Variants in THRB observed in about 807,000 individuals in gnomAD.
THRB encodes the protein thyroid hormone receptor beta.
Under a neutral mutation model 47.8 loss-of-function variants are expected in THRB, and 12 were observed. That is an observed-to-expected ratio of 0.25 (90% confidence interval 0.16 to 0.41). The LOEUF is 0.41. Among genes scored for constraint, THRB ranks in the 10% least tolerant of loss-of-function variants. The pLI is 1.00. For missense variants in THRB, 348 were observed against 589.2 expected (o/e 0.59, Z 4.24); for synonymous variants, 218 against 212.2 (o/e 1.03, Z -0.24).
chr3:24,336,368 A>G (rs2062250605), intron 2 of THRB, among the ~76,000 whole-genome samples: 1 of 152,248 alleles, frequency 6.6e-6, no homozygotes, highest in South Asian at 2.1e-4. Flanking sequence ...TGGCTCCCGC[A>G]GCCAGTGAGC....
At chr3:24,393,361 G>A (rs1408482443) in intron 1 of THRB, among the ~76,000 whole-genome samples, 3 of 152,076 alleles carry the variant, frequency 2.0e-5, no homozygotes, top group Non-Finnish European at 2.9e-5. Flanking sequence ...TTACACACTC[G>A]TCTTGCTCAA....
chr3:24,178,593 C>T (rs535850242), intron 5 of THRB, among the ~76,000 whole-genome samples: 11 of 152,226 alleles, frequency 7.2e-5, no homozygotes, highest in African/African-American at 2.2e-4. Context: ...ATGGTGTGAA[C>T]GACAAAGAAA....
intron 5 of THRB, among the ~76,000 whole-genome samples, chr3:24,155,679 C>CA (rs1468145467): frequency 1.3e-5 from 2 of 152,136 alleles, no homozygotes; most frequent in African/African-American, 4.8e-5. Flanking sequence ...TCATACTCAC[C>CA]AAATGAGTTA....
chr3:24,201,182 T>G (rs1457973523), intron 4 of THRB, among the ~76,000 whole-genome samples: 1 of 152,136 alleles, frequency 6.6e-6, no homozygotes, highest in Non-Finnish European at 1.5e-5. Flanking sequence ...GACTGTCTTT[T>G]CCATATCTTC....
At chr3:24,161,478 G>A (rs964597876) in intron 5 of THRB, among the ~76,000 whole-genome samples, 1 of 152,036 alleles carries the variant, frequency 6.6e-6, no homozygotes, top group African/African-American at 2.4e-5. Flanking sequence ...GAGATGGAGG[G>A]AAAGTAGGAG....
intron 5 of THRB, among the ~76,000 whole-genome samples, chr3:24,152,970 AAAAGAAAGAAAGAAAGAAAG>A (rs60859687): frequency 2.5e-5 from 3 of 120,940 alleles, no homozygotes; most frequent in Non-Finnish European, 5.2e-5. Context: ...CAAAAAAAAA[AAAAGAAAGAAAGAAAGAAAG>A]AAAGAAAGAA....
At chr3:24,390,928 T>G (rs952178127) in intron 1 of THRB, among the ~76,000 whole-genome samples, 2 of 152,036 alleles carry the variant, frequency 1.3e-5, no homozygotes, top group Non-Finnish European at 2.9e-5. Context: ...ATTGCTGGGA[T>G]GATTTTGGCA....
At chr3:24,481,369 G>A (rs991498013) in intron 1 of THRB, among the ~76,000 whole-genome samples, 10 of 151,206 alleles carry the variant, frequency 6.6e-5, no homozygotes, top group African/African-American at 2.4e-4. Context: ...AGGACACGCG[G>A]TTGCTCATTT....
chr3:24,302,498 A>G (rs2057015715), intron 2 of THRB, among the ~76,000 whole-genome samples: 2 of 152,350 alleles, frequency 1.3e-5, no homozygotes, highest in East Asian at 1.9e-4. Context: ...ACCACATACA[A>G]CCGTGTCTCA....
intron 1 of THRB, among the ~76,000 whole-genome samples, chr3:24,345,144 G>A (rs547907690): frequency 6.6e-6 from 1 of 152,228 alleles, no homozygotes; most frequent in East Asian, 1.9e-4. Context: ...AATTTATACG[G>A]TGCAACTATC....
chr3:24,180,211 T>C (rs1432479834), intron 5 of THRB, among the ~76,000 whole-genome samples: 1 of 152,210 alleles, frequency 6.6e-6, no homozygotes, highest in East Asian at 1.9e-4. Flanking sequence ...TGAATACATA[T>C]CTTTTCATTA....
At chr3:24,281,292 TAAAGA>T (rs2054572858) in intron 3 of THRB, among the ~76,000 whole-genome samples, 7 of 151,648 alleles carry the variant, frequency 4.6e-5, no homozygotes, top group Admixed American at 4.6e-4. Context: ...TCAACATTCT[TAAAGA>T]AAAGAATTTT....
At chr3:24,472,448 C>A (rs1694839963) in intron 1 of THRB, among the ~76,000 whole-genome samples, 1 of 152,192 alleles carries the variant, frequency 6.6e-6, no homozygotes, top group Admixed American at 6.5e-5. Context: ...CATCTGGCCA[C>A]AATTCCTTTT....
chr3:24,167,271 G>C (rs2039771233), intron 5 of THRB, among the ~76,000 whole-genome samples: 1 of 152,164 alleles, frequency 6.6e-6, no homozygotes, highest in South Asian at 2.1e-4. Flanking sequence ...ATGTTCGTCA[G>C]TTGGTATATA....
chr3:24,185,422 T>C (rs2042444457), intron 5 of THRB, among the ~76,000 whole-genome samples: 1 of 151,264 alleles, frequency 6.6e-6, no homozygotes, highest in Admixed American at 6.5e-5. Flanking sequence ...AAAACATTAT[T>C]TGCAATTTTA....
intron 2 of THRB, among the ~76,000 whole-genome samples, chr3:24,330,121 A>T (rs1477027151): frequency 6.6e-6 from 1 of 151,794 alleles, no homozygotes; most frequent in Admixed American, 6.6e-5. Flanking sequence ...CTGGCTAACA[A>T]GGTGAAACCC....
chr3:24,250,641 C>T (rs906595894), intron 3 of THRB, among the ~76,000 whole-genome samples: 1 of 152,112 alleles, frequency 6.6e-6, no homozygotes, highest in African/African-American at 2.4e-5. Flanking sequence ...TTTGAGGCTG[C>T]AGTGAGCTAT....
At chr3:24,253,341 A>G (rs1013833622) in intron 3 of THRB, among the ~76,000 whole-genome samples, 1 of 152,226 alleles carries the variant, frequency 6.6e-6, no homozygotes, top group Non-Finnish European at 1.5e-5. Context: ...CATTCAACAG[A>G]TAGGCATCAA....
chr3:24,130,806 C>T (rs1424224384), intron 9 of THRB, among the ~76,000 whole-genome samples: 1 of 151,960 alleles, frequency 6.6e-6, no homozygotes, highest in East Asian at 1.9e-4. Flanking sequence ...GTGATGCGGG[C>T]AGGATATAGT....
Sources: gnomAD v4.1 joint callset for allele counts (sites outside exome capture counted in the v4.1 genomes callset) on GRCh38, gnomAD v4.1.1 for gene constraint, MANE v1.5 for transcripts, NCBI Gene and HGNC (gene_info 2026-07-23, HGNC 2026-07-21) for gene names.